The following ZNF469 variants were observed in gnomAD, a reference collection of about 807,000 sequenced individuals.
The protein encoded by ZNF469 is zinc finger protein 469.
Under a neutral mutation model 1.0 loss-of-function variants are expected in ZNF469, and 1 was observed. The observed-to-expected ratio is 1.00, with a 90% CI of 0.35 to 4.73. ZNF469 has a LOEUF of 4.73. ZNF469 is among the 30% of genes most tolerant of loss of function. The pLI, the probability that ZNF469 is intolerant of heterozygous loss-of-function variation, is 0.16. For missense variants in ZNF469, 6,100 were observed against 5,356.3 expected, an observed-to-expected ratio of 1.14 and a Z score of -4.33; for synonymous variants, 2,703 against 2,363.4, an observed-to-expected ratio of 1.14 and a Z score of -4.17.
At chr16:88,334,561 C>T in the ZNF469 span, among the ~76,000 whole-genome samples, 3 of 152,128 alleles carry the variant, frequency 2.0e-5, no homozygotes, top group Non-Finnish European at 4.4e-5. Flanking sequence ...ATCACAGAGC[C>T]GGGAGTGATT....
chr16:88,317,414 A>G, the ZNF469 span, among the ~76,000 whole-genome samples: 2 of 152,216 alleles, frequency 1.3e-5, no homozygotes, highest in Non-Finnish European at 2.9e-5. Flanking sequence ...CACGCTGGCC[A>G]GGGGCAGGGT....
At chr16:88,206,946 AGGG>A in the ZNF469 span, among the ~76,000 whole-genome samples, 1 of 770 alleles carries the variant, frequency 1.3e-3, no homozygotes, top group African/African-American at 4.8e-3. Context: ...GCGGGGACGG[AGGG>A]GAGGGGAGGC....
the ZNF469 span, among the ~76,000 whole-genome samples, chr16:88,345,421 T>C: frequency 1.3e-5 from 2 of 152,228 alleles, no homozygotes; most frequent in African/African-American, 2.4e-5. Flanking sequence ...GGCCCAGGGC[T>C]TCCTTATGGG....
chr16:88,350,983 C>T, the ZNF469 span, among the ~76,000 whole-genome samples: 5 of 152,226 alleles, frequency 3.3e-5, no homozygotes, highest in Admixed American at 3.3e-4. Flanking sequence ...AATGTGTGTT[C>T]CAAGCCTCCA....
At chr16:88,322,792 G>A in the ZNF469 span, among the ~76,000 whole-genome samples, 7 of 152,196 alleles carry the variant, frequency 4.6e-5, no homozygotes, top group African/African-American at 1.4e-4. Context: ...AGGAGAATCC[G>A]TGGGATGGGG....
Position 88,430,114 on chromosome 16 carries a change from G to C in ZNF469, c.2644G>C (p.Gly882Arg), listed in dbSNP as rs1024155646. 1.3e-6 allele frequency: 2 copies of C among 1,550,216 alleles called. No individual in the cohort carries two copies. The highest frequency in any genetic ancestry group is 1.7e-6 in the Non-Finnish European group (2 of 1,146,936). ...TTCCGGCCCCAGAGGTCCCAGCTCC[G>C]GACACCCCCTTAAGAGCAAGGCGGG... is the stretch of plus-strand genomic sequence containing the variant. ...EPSGPRGPSS[G>R]HPLKSKAGVT... Residue 882 changes from glycine (G) to arginine (R), a missense_variant, in exon 3 of 3, where the codon GGA becomes CGA. Coordinates refer to ENST00000565624, the MANE Select transcript of ZNF469 (RefSeq NM_001367624.2).
chr16:88,322,891 C>T, the ZNF469 span, among the ~76,000 whole-genome samples: 2 of 149,840 alleles, frequency 1.3e-5, no homozygotes, highest in South Asian at 2.2e-4. Context: ...CTGTGACTGT[C>T]GGAGGCAAGG....
chr16:88,150,940 G>T, the ZNF469 span, among the ~76,000 whole-genome samples: 1 of 152,320 alleles, frequency 6.6e-6, no homozygotes, highest in Middle Eastern at 3.4e-3. Flanking sequence ...TCAGGCCCGG[G>T]GAAGGGGTTT....
chr16:88,243,012 G>A, the ZNF469 span, among the ~76,000 whole-genome samples: 1 of 152,212 alleles, frequency 6.6e-6, no homozygotes, highest in African/African-American at 2.4e-5. Flanking sequence ...GGTGGGGGAT[G>A]TCTACCCGCC....
the ZNF469 span, among the ~76,000 whole-genome samples, chr16:88,358,712 AT>A: frequency 7.8e-4 from 117 of 150,110 alleles, 1 homozygote; most frequent in Non-Finnish European, 1.3e-3. Context: ...ATTTATTTTA[AT>A]TTTTTTTTTA....
At position 88,383,185 on chromosome 16, in the gene ZNF469, T is replaced by A. The variant is rs1332474901; in HGVS notation, c.-261T>A. On this transcript the variant is annotated 5_prime_UTR_variant, in exon 1 of 3. Transcript: ENST00000565624. ...GGACGGCGCCTCCGCTGCAGAGCGC[T>A]GGGGCGGCGCGGGCCGGGAGCTCGT... Among the ~76,000 whole-genome samples the A allele has an allele frequency of 1.4e-5, 2 of 147,066 alleles. No homozygotes were observed. The highest frequency in any genetic ancestry group is 3.0e-5 in the Non-Finnish European group (2 of 66,090).
chr16:88,223,247 C>T, the ZNF469 span, among the ~76,000 whole-genome samples: 18 of 152,186 alleles, frequency 1.2e-4, no homozygotes, highest in African/African-American at 4.1e-4. Context: ...ATTCTGTTCT[C>T]GTGGCAGTGA....
the ZNF469 span, among the ~76,000 whole-genome samples, chr16:88,126,188 CAAAAAAAAAAAAA>C: frequency 8.5e-5 from 5 of 59,056 alleles, no homozygotes; most frequent in Admixed American, 2.4e-4. Flanking sequence ...GACTCCATCC[CAAAAAAAAAAAAA>C]AAAAAAAAAA....
the ZNF469 span, among the ~76,000 whole-genome samples, chr16:88,243,329 T>C: frequency 6.6e-6 from 1 of 152,178 alleles, no homozygotes; most frequent in Non-Finnish European, 1.5e-5. Context: ...AGCTCTTCCA[T>C]GGTCATACCA....
the ZNF469 span, among the ~76,000 whole-genome samples, chr16:88,127,070 G>A: frequency 1.4e-4 from 22 of 152,316 alleles, no homozygotes; most frequent in East Asian, 3.5e-3. Flanking sequence ...TGATCCGTCC[G>A]CCTCGGCCTC....
chr16:88,149,212 A>C, the ZNF469 span, among the ~76,000 whole-genome samples: 1 of 152,186 alleles, frequency 6.6e-6, no homozygotes, highest in Non-Finnish European at 1.5e-5. Flanking sequence ...GACAGCAGCC[A>C]GGCCCGCTTC....
At chr16:88,399,822 G>A (rs1178363239) in intron 1 of ZNF469, among the ~76,000 whole-genome samples, 1 of 152,220 alleles carries the variant, frequency 6.6e-6, no homozygotes, top group Non-Finnish European at 1.5e-5. Context: ...CACAGGAGGC[G>A]TGGAGCCTGG....
the ZNF469 span, among the ~76,000 whole-genome samples, chr16:88,292,660 T>C: frequency 6.6e-6 from 1 of 151,992 alleles, no homozygotes; most frequent in Non-Finnish European, 1.5e-5. Flanking sequence ...CTCGGTGGCC[T>C]TGACTGGAAA....
the ZNF469 span, among the ~76,000 whole-genome samples, chr16:88,318,183 G>C: frequency 1.3e-5 from 2 of 152,356 alleles, no homozygotes; most frequent in South Asian, 4.1e-4. Flanking sequence ...TTCGGGCCCA[G>C]CCTGGGCTGG....
Sources: gnomAD v4.1 joint callset for allele counts (sites outside exome capture counted in the v4.1 genomes callset) on GRCh38, gnomAD v4.1.1 for gene constraint, MANE v1.5 for transcripts, NCBI Gene and HGNC (gene_info 2026-07-23, HGNC 2026-07-21) for gene names.